The following ASTN2 variants were observed in gnomAD, a reference collection of about 807,000 sequenced individuals.
ASTN2 encodes astrotactin-2.
A neutral mutation model predicts 139.8 loss-of-function variants in ASTN2; 54 were observed. The ratio of observed to expected loss-of-function variants is 0.39; its 90% CI spans 0.31 to 0.48. The LOEUF is 0.48. Ranked by LOEUF, ASTN2 falls within the 20% of genes least tolerant of loss-of-function variation. The probability of loss-of-function intolerance (pLI) is 0.95; values close to 1 mark genes in which losing one functional copy is unlikely to be tolerated. For synonymous variants in ASTN2, 756 were observed against 719.5 expected (o/e 1.05, Z -0.81); for missense variants, 1,565 against 1,725.1 (o/e 0.91, Z 1.64).
chr9:116,958,424 A>T (rs1477274536), intron 10 of ASTN2, among the ~76,000 whole-genome samples: 3 of 152,134 alleles, frequency 2.0e-5, no homozygotes, highest in Non-Finnish European at 4.4e-5. Flanking sequence ...CCCCGTCTCT[A>T]CTAAAAATAG....
chr9:116,632,459 A>C (rs995745943), intron 17 of ASTN2, among the ~76,000 whole-genome samples: 2 of 152,122 alleles, frequency 1.3e-5, no homozygotes, highest in South Asian at 4.1e-4. Context: ...AAAAACAATA[A>C]AACAACTAAA....
rs1381684615 is a variant in ASTN2 at position 116,565,355 on chromosome 9, C to T, written c.3355+52969G>A. 1.8e-4 allele frequency among the ~76,000 whole-genome samples: 4 copies of T among 21,710 alleles called. No homozygotes were observed. In the East Asian group the frequency reaches 6.0e-3, roughly 33 times the overall value. 14.2% of individuals were successfully genotyped at this position (21,710 alleles called of 152,430 possible). A position where few individuals can be genotyped will look rare whatever the true frequency, so the allele number is the denominator to read the frequency against. ...ATAATGTTTTTAAGACACTGTTTCTCTCTCTCTCTCTCTCTCTCTCTCTCT... is the reference window on the plus strand; with the variant it reads ...ATAATGTTTTTAAGACACTGTTTCTTTCTCTCTCTCTCTCTCTCTCTCTCT... On this transcript the variant is annotated intron_variant, in intron 19 of 22. Coordinates refer to ENST00000313400, the MANE Select transcript of ASTN2 (RefSeq NM_001365068.1).
chr9:117,281,702 C>T (rs1453711190), intron 2 of ASTN2, among the ~76,000 whole-genome samples: 6 of 152,130 alleles, frequency 3.9e-5, no homozygotes, highest in African/African-American at 1.4e-4. Context: ...GACTCTCTTG[C>T]CAACCTGTCC....
chr9:117,057,598 G>GT (rs1378305057), intron 5 of ASTN2, among the ~76,000 whole-genome samples: 1 of 152,186 alleles, frequency 6.6e-6, no homozygotes, highest in Admixed American at 6.5e-5. Flanking sequence ...GAAGATGTGT[G>GT]TAAGTGTATA....
chr9:117,300,594 CAGG>C (rs1303242423), intron 1 of ASTN2, among the ~76,000 whole-genome samples: 1 of 152,118 alleles, frequency 6.6e-6, no homozygotes, highest in Non-Finnish European at 1.5e-5. Context: ...CCTCATTTAT[CAGG>C]AGATTGGACA....
intron 16 of ASTN2, among the ~76,000 whole-genome samples, chr9:116,708,472 C>T (rs1327066087): frequency 6.6e-6 from 1 of 152,196 alleles, no homozygotes; most frequent in African/African-American, 2.4e-5. Flanking sequence ...ACAGCCAGGT[C>T]TTCACACAGC....
intron 4 of ASTN2, among the ~76,000 whole-genome samples, chr9:117,112,780 ATCT>A (rs567672474): frequency 3.8e-4 from 58 of 152,292 alleles, no homozygotes; most frequent in African/African-American, 1.0e-3. Context: ...AAAATGAAAG[ATCT>A]TCTTCTTCAA....
intron 1 of ASTN2, among the ~76,000 whole-genome samples, chr9:117,338,361 A>G (rs902529624): frequency 6.6e-6 from 1 of 152,084 alleles, no homozygotes; most frequent in Admixed American, 6.6e-5. Context: ...ACCTGCATCT[A>G]AAACCTCCTT....
At chr9:117,071,999 C>T (rs372492110) in intron 5 of ASTN2, among the ~76,000 whole-genome samples, 4 of 152,126 alleles carry the variant, frequency 2.6e-5, no homozygotes, top group East Asian at 1.9e-4. Context: ...GAGCTGAGAC[C>T]GGAGCTGTTC....
chr9:116,738,333 T>G (rs1410496680), intron 13 of ASTN2, among the ~76,000 whole-genome samples: 1 of 151,020 alleles, frequency 6.6e-6, no homozygotes, highest in African/African-American at 2.4e-5. Flanking sequence ...AAACCCCATC[T>G]CTACTAAAAA....
chr9:117,346,798 C>T (rs1017722589), intron 1 of ASTN2, among the ~76,000 whole-genome samples: 4 of 152,162 alleles, frequency 2.6e-5, no homozygotes, highest in Admixed American at 2.0e-4. Flanking sequence ...GGGTTCAAAT[C>T]CTATCACTGC....
rs1194061835 is a variant in ASTN2, at chr9:116,906,293, A to C, written c.1890-42560T>G. ...ATCCTGGGAAAGTGGCCCAGAAAGGAACCAGAGGAACCTTTTTGTTCAATG... is the reference window on the plus strand; with the variant it reads ...ATCCTGGGAAAGTGGCCCAGAAAGGCACCAGAGGAACCTTTTTGTTCAATG... On this transcript the variant is annotated intron_variant, in intron 10 of 22. Coordinates refer to ENST00000313400, the MANE Select transcript of ASTN2 (RefSeq NM_001365068.1). 2.6e-5 allele frequency among the ~76,000 whole-genome samples: 4 copies of C among 152,220 alleles called. No individual in the cohort carries two copies. The East Asian group carries it at 7.7e-4, about 29-fold the overall frequency.
intron 3 of ASTN2, among the ~76,000 whole-genome samples, chr9:117,190,792 C>A (rs1473541189): frequency 6.6e-6 from 1 of 152,030 alleles, no homozygotes; most frequent in Non-Finnish European, 1.5e-5. Flanking sequence ...GCCCTAATTC[C>A]CTCCTTTGTT....
At chr9:117,127,672 G>GGT (rs1829723509) in intron 4 of ASTN2, among the ~76,000 whole-genome samples, 1 of 70,886 alleles carries the variant, frequency 1.4e-5, no homozygotes, top group Non-Finnish European at 2.5e-5. Flanking sequence ...TTTTGTTTTG[G>GGT]TTTTTTTTTT....
At chr9:116,642,155 A>AAAAAC (rs1554724609) in intron 17 of ASTN2, among the ~76,000 whole-genome samples, 1 of 149,794 alleles carries the variant, frequency 6.7e-6, no homozygotes, top group East Asian at 1.9e-4. Context: ...ACAAAAAAAA[A>AAAAAC]CAGAATCAGT....
chr9:117,368,739 C>CAT (rs1342118656), intron 1 of ASTN2, among the ~76,000 whole-genome samples: 1 of 152,080 alleles, frequency 6.6e-6, no homozygotes, highest in Non-Finnish European at 1.5e-5. Flanking sequence ...CTGAAAAACT[C>CAT]ATATATAAAA....
intron 20 of ASTN2, among the ~76,000 whole-genome samples, chr9:116,448,519 C>T (rs879500483): frequency 2.6e-5 from 4 of 152,140 alleles, no homozygotes; most frequent in Non-Finnish European, 5.9e-5. Context: ...GTTTTTTCCT[C>T]GATAGAGCTG....
chr9:117,324,808 C>G (rs143163688), intron 1 of ASTN2, among the ~76,000 whole-genome samples: 2 of 152,240 alleles, frequency 1.3e-5, no homozygotes, highest in East Asian at 3.9e-4. Flanking sequence ...TCTGGAATTT[C>G]TCCTGATATC....
At chr9:117,370,438 C>G (rs531842827) in intron 1 of ASTN2, among the ~76,000 whole-genome samples, 1 of 152,216 alleles carries the variant, frequency 6.6e-6, no homozygotes, top group Admixed American at 6.5e-5. Flanking sequence ...AAAGAAGTAT[C>G]TGAAAAAGAA....
Sources: gnomAD v4.1 joint callset for allele counts (sites outside exome capture counted in the v4.1 genomes callset) on GRCh38, gnomAD v4.1.1 for gene constraint, MANE v1.5 for transcripts, NCBI Gene and HGNC (gene_info 2026-07-23, HGNC 2026-07-21) for gene names.